LOC400499: variants seen among roughly 807,000 people sequenced by gnomAD.
the LOC400499 span, among the ~76,000 whole-genome samples, chr16:11,524,774 C>T: frequency 6.6e-6 from 1 of 152,074 alleles, no homozygotes; most frequent in Non-Finnish European, 1.5e-5. Flanking sequence ...CCAGCCCTTC[C>T]ACTGCCACCT....
At chr16:11,401,975 G>A in the LOC400499 span, 4 of 398,916 alleles carry the variant, frequency 1.0e-5, no homozygotes, top group East Asian at 3.6e-5. Flanking sequence ...CAAAGACCCC[G>A]CTCAGCCTGC....
At chr16:11,493,817 G>A in the LOC400499 span, 2 of 346,442 alleles carry the variant, frequency 5.8e-6, no homozygotes, top group African/African-American at 2.6e-5. Context: ...ATGGAGGTAG[G>A]ACCATGAGGG....
chr16:11,383,853 C>CT, the LOC400499 span: 3 of 1,232,204 alleles, frequency 2.4e-6, no homozygotes, highest in Non-Finnish European at 3.0e-6. Context: ...GACAAAGGGC[C>CT]TTCTGCACCC....
chr16:11,482,278 G>A, the LOC400499 span, among the ~76,000 whole-genome samples: 1 of 152,116 alleles, frequency 6.6e-6, no homozygotes, highest in Admixed American at 6.5e-5. Flanking sequence ...CTGAGCCAGG[G>A]GACTCCCTGA....
At chr16:11,500,507 T>C in the LOC400499 span, among the ~76,000 whole-genome samples, 1 of 58,748 alleles carries the variant, frequency 1.7e-5, no homozygotes, top group African/African-American at 6.6e-5. Flanking sequence ...CAAGACTCCG[T>C]CCTAAATAAT....
At chr16:11,459,780 G>A in the LOC400499 span, 4 of 1,089,122 alleles carry the variant, frequency 3.7e-6, no homozygotes, top group Non-Finnish European at 4.7e-6. Flanking sequence ...CCAAGGCTAA[G>A]TTTCAGCTGC....
At chr16:11,409,080 G>A in the LOC400499 span, among the ~76,000 whole-genome samples, 1 of 151,844 alleles carries the variant, frequency 6.6e-6, no homozygotes, top group Non-Finnish European at 1.5e-5. Context: ...GGCCAACGTG[G>A]CGAAACCCCA....
the LOC400499 span, among the ~76,000 whole-genome samples, chr16:11,517,673 A>C: frequency 1.3e-5 from 2 of 152,284 alleles, no homozygotes; most frequent in South Asian, 4.1e-4. Flanking sequence ...GATATCACAC[A>C]GCAAGTCAGG....
chr16:11,504,038 G>A, the LOC400499 span, among the ~76,000 whole-genome samples: 1 of 152,128 alleles, frequency 6.6e-6, no homozygotes, highest in African/African-American at 2.4e-5. Context: ...ATGGGCACCT[G>A]GGGATGGTGC....
chr16:11,401,213 C>T, the LOC400499 span: 1,076 of 398,902 alleles, frequency 2.7e-3, 13 homozygotes, highest in African/African-American at 0.02. Flanking sequence ...GGCTCAGTCA[C>T]GCGGCTCCCA....
the LOC400499 span, among the ~76,000 whole-genome samples, chr16:11,383,198 T>G: frequency 6.6e-6 from 1 of 152,120 alleles, no homozygotes; most frequent in African/African-American, 2.4e-5. Context: ...CCTGAGTAGC[T>G]GGGACTACAG....
At chr16:11,440,847 G>C in the LOC400499 span, 1 of 399,044 alleles carries the variant, frequency 2.5e-6, no homozygotes, top group Non-Finnish European at 4.4e-6. Flanking sequence ...AGCTCAGCTG[G>C]GAAGAAATAG....
At chr16:11,456,987 T>C in the LOC400499 span, 3 of 1,535,834 alleles carry the variant, frequency 2.0e-6, no homozygotes, top group Non-Finnish European at 2.6e-6. Flanking sequence ...GAGGCTCAAG[T>C]GGTAAAGCTG....
chr16:11,459,429 C>G, the LOC400499 span, among the ~76,000 whole-genome samples: 4 of 152,022 alleles, frequency 2.6e-5, no homozygotes, highest in African/African-American at 9.7e-5. Flanking sequence ...ATCTCCTGAT[C>G]TCGTGATCCG....
At chr16:11,474,966 C>A in the LOC400499 span, among the ~76,000 whole-genome samples, 1 of 152,192 alleles carries the variant, frequency 6.6e-6, no homozygotes, top group Non-Finnish European at 1.5e-5. Flanking sequence ...TTCTCTTGTT[C>A]CTAAGCAGGT....
the LOC400499 span, chr16:11,484,738 G>T: frequency 2.5e-6 from 1 of 397,282 alleles, no homozygotes; most frequent in Non-Finnish European, 4.4e-6. Context: ...GGACTACTCA[G>T]ATTTGAACCA....
At chr16:11,425,117 C>T in the LOC400499 span, 10 of 398,858 alleles carry the variant, frequency 2.5e-5, no homozygotes, top group African/African-American at 8.2e-5. Context: ...CTGGACCACT[C>T]GTCCTACCTG....
chr16:11,504,115 C>A, the LOC400499 span, among the ~76,000 whole-genome samples: 1 of 152,296 alleles, frequency 6.6e-6, no homozygotes, highest in East Asian at 1.9e-4. Context: ...GAGAATGCGC[C>A]TTTCAGATCC....
the LOC400499 span, chr16:11,387,069 G>A: frequency 1.1e-5 from 14 of 1,226,706 alleles, no homozygotes; most frequent in Admixed American, 8.4e-5. Context: ...GAGGCAGGGG[G>A]CTCTCAGGGA....
Sources: allele counts gnomAD v4.1 joint callset (sites outside exome capture counted in the v4.1 genomes callset), GRCh38; gene constraint gnomAD v4.1.1; transcripts MANE v1.5.